The following SYN3 variants were observed in gnomAD, a reference collection of about 807,000 sequenced individuals.
SYN3 encodes the protein synapsin III.
A neutral mutation model predicts 65.8 loss-of-function variants in SYN3; 35 were observed. That is an observed-to-expected ratio of 0.53 (90% CI 0.41 to 0.70). The LOEUF (loss-of-function observed/expected upper bound fraction) is 0.70. Ranked by LOEUF, SYN3 falls within the 30% of genes least tolerant of loss-of-function variation. The pLI, the probability that SYN3 is intolerant of heterozygous loss-of-function variation, is 0.00. For synonymous variants in SYN3, 270 were observed against 292.9 expected (o/e 0.92, Z 0.80); for missense variants, 680 against 749.0 (o/e 0.91, Z 1.08).
At chr22:32,972,322 A>C (rs1054252010) in intron 3 of SYN3, among the ~76,000 whole-genome samples, 1 of 152,254 alleles carries the variant, frequency 6.6e-6, no homozygotes, top group Non-Finnish European at 1.5e-5. Context: ...AGAATGAGGC[A>C]GGTCTGCATA....
chr22:32,844,566 A>C (rs368633323), intron 6 of SYN3, among the ~76,000 whole-genome samples: 1 of 152,340 alleles, frequency 6.6e-6, no homozygotes, highest in East Asian at 1.9e-4. Flanking sequence ...CAGGCGCATG[A>C]TATATTCAAG....
intron 6 of SYN3, among the ~76,000 whole-genome samples, chr22:32,768,272 C>T (rs1268957598): frequency 6.6e-6 from 1 of 152,144 alleles, no homozygotes; most frequent in African/African-American, 2.4e-5. Context: ...CTTTATACTC[C>T]TTTTCTTTCA....
At chr22:32,555,781 A>G (rs918523873) in intron 7 of SYN3, among the ~76,000 whole-genome samples, 1 of 152,182 alleles carries the variant, frequency 6.6e-6, no homozygotes, top group African/African-American at 2.4e-5. Flanking sequence ...CTGTTTTTAT[A>G]ACAGGAAGGC....
At chr22:32,980,543 C>T in intron 3 of SYN3, 102 bp downstream of exon 3, 1 of 1,064,398 alleles carries the variant, frequency 9.4e-7, no homozygotes. Context: ...GTAATCTTGG[C>T]TCATTATGAC....
chr22:32,948,598 G>A (rs868718847), intron 3 of SYN3, among the ~76,000 whole-genome samples: 19 of 152,052 alleles, frequency 1.2e-4, no homozygotes, highest in Non-Finnish European at 1.3e-4. Context: ...TTAGCCGGGC[G>A]TGGTGGCGGG....
intron 6 of SYN3, among the ~76,000 whole-genome samples, chr22:32,699,108 G>A (rs769902559): frequency 6.6e-6 from 1 of 152,222 alleles, no homozygotes; most frequent in Non-Finnish European, 1.5e-5. Flanking sequence ...ACAGAGCTTG[G>A]CCCAGGGTCT....
intron 4 of SYN3, among the ~76,000 whole-genome samples, chr22:32,870,347 AT>A (rs1296112898): frequency 1.3e-5 from 2 of 151,856 alleles, no homozygotes; most frequent in African/African-American, 2.4e-5. Context: ...TGTTTTCCAC[AT>A]AATAATATAG....
chr22:32,773,818 G>C (rs966355122), intron 6 of SYN3, among the ~76,000 whole-genome samples: 4 of 152,174 alleles, frequency 2.6e-5, no homozygotes, highest in African/African-American at 9.7e-5. Flanking sequence ...GGGTACTATG[G>C]GGGAGGAAAG....
At chr22:32,824,264 C>A (rs1440310202) in intron 6 of SYN3, among the ~76,000 whole-genome samples, 3 of 111,316 alleles carry the variant, frequency 2.7e-5, no homozygotes, top group Admixed American at 2.2e-4. Context: ...GGCGACAGAG[C>A]AAGACTCCAT....
intron 6 of SYN3, among the ~76,000 whole-genome samples, chr22:32,616,770 T>C (rs941765136): frequency 3.9e-5 from 6 of 152,096 alleles, no homozygotes; most frequent in Non-Finnish European, 7.4e-5. Flanking sequence ...AAAAATGCTA[T>C]AGAAGCAAAG....
chr22:32,974,093 G>A (rs2146950599), intron 3 of SYN3, among the ~76,000 whole-genome samples: 1 of 152,248 alleles, frequency 6.6e-6, no homozygotes, highest in Non-Finnish European at 1.5e-5. Context: ...CCAACTCAAA[G>A]TACCCATCTT....
chr22:32,865,121 T>A lies in SYN3; in HGVS notation c.622-117A>T, dbSNP rs530283750. The A allele has an allele frequency of 3.9e-6, 3 of 760,642 alleles. No homozygotes were observed. In the Admixed American group the frequency reaches 6.1e-5, roughly 16 times the overall value. 47.1% of individuals were successfully genotyped at this position (760,642 alleles called of 1,614,324 possible). A position where few individuals can be genotyped will look rare whatever the true frequency, so the allele number is the denominator to read the frequency against. On this transcript the variant is annotated intron_variant, in intron 5 of 13. Coordinates refer to ENST00000358763, the MANE Select transcript of SYN3 (RefSeq NM_003490.4). ...TTCTGAGCCGAGCTTCAGTAGGTGCTATCCTACCCTGCCTATAGGATAAAG... is the reference window on the plus strand; with the variant it reads ...TTCTGAGCCGAGCTTCAGTAGGTGCAATCCTACCCTGCCTATAGGATAAAG...
intron 3 of SYN3, among the ~76,000 whole-genome samples, chr22:32,948,033 T>C (rs1268977295): frequency 2.6e-5 from 4 of 152,226 alleles, no homozygotes; most frequent in African/African-American, 9.6e-5. Context: ...TAGGGCTGTA[T>C]GTTTTCCTTA....
At chr22:32,873,022 C>A (rs2048892137) in intron 4 of SYN3, among the ~76,000 whole-genome samples, 1 of 145,254 alleles carries the variant, frequency 6.9e-6, no homozygotes, top group Admixed American at 7.2e-5. Context: ...GTGATCTTGG[C>A]TCACTGCAAT....
rs750055798 is a variant in SYN3, at chr22:32,518,498, C to G, written c.1319-164G>C. The stretch of plus-strand genomic sequence containing the variant: ...CTAACCATAAGGAAGTAATTAGGAA[C>G]ATTAAGATACATCTGTATAATGGAA... On this transcript the variant is annotated intron_variant, in intron 12 of 13. Coordinates refer to ENST00000358763, the MANE Select transcript of SYN3 (RefSeq NM_003490.4). 517 of 812,920 alleles carry G rather than the reference C, an allele frequency of 6.4e-4. 1 individual carries two copies. The highest frequency in any genetic ancestry group is 1.2e-4 in the Non-Finnish European group (60 of 487,368). 50.4% of individuals were successfully genotyped at this position (812,920 alleles called of 1,614,324 possible).
chr22:32,608,908 C>T (rs1320451736), intron 6 of SYN3, among the ~76,000 whole-genome samples: 1 of 152,094 alleles, frequency 6.6e-6, no homozygotes, highest in East Asian at 1.9e-4. Context: ...TACAACTCCC[C>T]CTCCTTCAAA....
At chr22:33,000,530 C>G (rs1034917385) in intron 2 of SYN3, among the ~76,000 whole-genome samples, 9 of 152,154 alleles carry the variant, frequency 5.9e-5, no homozygotes, top group African/African-American at 2.2e-4. Context: ...GCAATTACCC[C>G]ACCTGTCCAC....
At chr22:33,055,000 G>C (rs2054231870) in intron 1 of SYN3, among the ~76,000 whole-genome samples, 1 of 152,146 alleles carries the variant, frequency 6.6e-6, no homozygotes, top group Non-Finnish European at 1.5e-5. Context: ...CTGTCCTCTA[G>C]CCCAGACACC....
At chr22:32,960,672 C>A (rs1463468421) in intron 3 of SYN3, among the ~76,000 whole-genome samples, 1 of 152,232 alleles carries the variant, frequency 6.6e-6, no homozygotes, top group Non-Finnish European at 1.5e-5. Flanking sequence ...CCATGCCCCT[C>A]AGGACTTTCG....
Sources: gnomAD v4.1 joint callset for allele counts (sites outside exome capture counted in the v4.1 genomes callset) on GRCh38, gnomAD v4.1.1 for gene constraint, MANE v1.5 for transcripts, NCBI Gene and HGNC (gene_info 2026-07-23, HGNC 2026-07-21) for gene names.